CLASRP: variants seen among roughly 807,000 people sequenced by gnomAD.
The protein encoded by CLASRP is CLK4 associating serine/arginine rich protein.
In CLASRP, 52 loss-of-function variants were observed where a neutral mutation model predicts 99.9. The ratio of observed to expected loss-of-function variants is 0.52; its 90% confidence interval spans 0.42 to 0.66. The LOEUF (loss-of-function observed/expected upper bound fraction) is 0.66. CLASRP is among the 30% of genes least tolerant of loss of function. The probability of loss-of-function intolerance (pLI) is 0.00; values close to 1 mark genes in which losing one functional copy is unlikely to be tolerated. For synonymous variants in CLASRP, 379 were observed against 373.0 expected, an observed-to-expected ratio of 1.02 and a Z score of -0.18; for missense variants, 848 against 999.2, an observed-to-expected ratio of 0.85 and a Z score of 2.04.
intron 2 of CLASRP, among the ~76,000 whole-genome samples, chr19:45,046,593 C>T (rs1043656440): frequency 6.6e-6 from 1 of 152,188 alleles, no homozygotes; most frequent in Non-Finnish European, 1.5e-5. Flanking sequence ...CCCATGAGGG[C>T]AGGGCCAGGG....
chr19:45,059,137 T>C, intron 7 of CLASRP, 131 bp from the exon 8 acceptor site: 1 of 749,574 alleles, frequency 1.3e-6, no homozygotes, highest in Non-Finnish European at 2.3e-6. Flanking sequence ...GAGCCAGACT[T>C]GATGCCATCC....
Position 45,069,058 on chromosome 19 carries a change from C to T in CLASRP, c.1769-8C>T. 1 of 1,613,434 alleles carries T rather than the reference C, an allele frequency of 6.2e-7. No individual in the cohort carries two copies. The highest frequency in any genetic ancestry group is 8.5e-7 in the Non-Finnish European group (1 of 1,179,682). On this transcript the variant is annotated splice_region_variant and splice_polypyrimidine_tract_variant and intron_variant, in intron 16 of 20. Transcript: ENST00000221455. ...ACCCCTCAGCCACCCTGTTCTTTCT[C>T]TCTACAGTCAAGGCGGATAAGAAGG...
intron 2 of CLASRP, among the ~76,000 whole-genome samples, chr19:45,044,819 T>A (rs1270655034): frequency 1.3e-5 from 2 of 152,116 alleles, no homozygotes; most frequent in East Asian, 3.9e-4. Context: ...TGAGATCCCA[T>A]CATGGTTAGT....
rs748885420 is a variant in CLASRP, at chr19:45,064,066, G to C, written c.960G>C (p.Pro320=). ...ESRSRSRSPT[P]GREEKITFIT... ...GCTCCCGCTCCCGCTCCCCGACCCC[G>C]GGCCGCGAGGAGAAGATCACGTTCA... is the stretch of plus-strand genomic sequence containing the variant. The change falls in exon 12 of 21, where the codon CCG becomes CCC. Residue 320 remains proline (P), a synonymous_variant. Coordinates refer to ENST00000221455, the MANE Select transcript of CLASRP (RefSeq NM_007056.3). 6.2e-7 allele frequency: 1 copy of C among 1,607,726 alleles called. No individual in the cohort carries two copies. The highest frequency in any genetic ancestry group is 8.5e-7 in the Non-Finnish European group (1 of 1,177,766).
At chr19:45,063,209 G>A (rs2122590132) in intron 11 of CLASRP, among the ~76,000 whole-genome samples, 2 of 150,856 alleles carry the variant, frequency 1.3e-5, no homozygotes, top group Middle Eastern at 6.8e-3. Context: ...GGCTCACCAT[G>A]TTGACCAGGC....
Position 45,064,457 on chromosome 19 carries a change from C to T in CLASRP, c.1236C>T (p.Gly412=), listed in dbSNP as rs1249838743. Residue 412 remains glycine, a synonymous_variant, in exon 13 of 21, where the codon GGC becomes GGT. Coordinates refer to ENST00000221455, the MANE Select transcript of CLASRP (RefSeq NM_007056.3). ...SRRGGGYYRS[G]RHARSRSRSW... is the part of the protein sequence containing the mutation. The stretch of plus-strand genomic sequence containing the variant: ...GTGGTGGGGGCTACTACCGTTCCGG[C>T]CGCCACGCCCGCTCCCGGTCCCGCT... The T allele has an allele frequency of 5.9e-6, 9 of 1,529,456 alleles. No individual in the cohort carries two copies. Among genetic ancestry groups the T allele is most frequent in the Non-Finnish European group, 6.1e-6 (7 of 1,140,276 alleles). The allele number at this position is 1,529,456 out of a possible 1,614,324, so 94.7% of individuals were successfully genotyped here.
chr19:45,067,306 C>T lies in CLASRP; in HGVS notation c.1410-31C>T, dbSNP rs774013475. The T allele has an allele frequency of 3.4e-6, 5 of 1,470,898 alleles. No individual in the cohort carries two copies. The highest frequency in any genetic ancestry group is 1.4e-5 in the South Asian group (1 of 73,584). 91.1% of individuals were successfully genotyped at this position (1,470,898 alleles called of 1,614,324 possible). On this transcript the variant is annotated intron_variant, in intron 13 of 20. Coordinates refer to ENST00000221455, the MANE Select transcript of CLASRP (RefSeq NM_007056.3). This position sits in a 1 kb window ranked among gnomAD's most constrained non-coding sequence, Gnocchi z 4.9. ...TGCGGTTGGGGTCCCTGGAGCCTCACAGTCCTCCTCCCGCCCTGCTGCATC... is the reference window on the plus strand; with the variant it reads ...TGCGGTTGGGGTCCCTGGAGCCTCATAGTCCTCCTCCCGCCCTGCTGCATC...
chr19:45,070,743 C>T, intron 20 of CLASRP, 60 bp from the exon 21 acceptor site: 1 of 1,443,346 alleles, frequency 6.9e-7, no homozygotes. Flanking sequence ...GCATCCACGG[C>T]CCCAGGTGTG....
At chr19:45,051,380 C>G (rs1426313874) in intron 2 of CLASRP, among the ~76,000 whole-genome samples, 2 of 151,888 alleles carry the variant, frequency 1.3e-5, no homozygotes, top group Non-Finnish European at 2.9e-5. Flanking sequence ...GTGACACAAT[C>G]TCAGCTCACT....
chr19:45,068,189 G>T (rs1967137541), intron 15 of CLASRP, 135 bp downstream of exon 15: 2 of 763,500 alleles, frequency 2.6e-6, no homozygotes, highest in Non-Finnish European at 4.6e-6. Flanking sequence ...GAGGGGAAGG[G>T]TCTGCCCCTG....
chr19:45,064,254 TACG>T (rs1341222332), intron 12 of CLASRP, 27 bp downstream of exon 12: 3 of 1,552,460 alleles, frequency 1.9e-6, no homozygotes, highest in Admixed American at 3.9e-5. Flanking sequence ...CCGCCCGCCC[TACG>T]CCCCGGTCAC....
At chr19:45,042,829 C>T (rs1377372960) in intron 2 of CLASRP, among the ~76,000 whole-genome samples, 1 of 152,028 alleles carries the variant, frequency 6.6e-6, no homozygotes, top group Non-Finnish European at 1.5e-5. Flanking sequence ...GTTGGTCAGG[C>T]TAGTCTTGAA....
chr19:45,047,463 C>T (rs1047587188), intron 2 of CLASRP: 1 of 148,364 alleles, frequency 6.7e-6, no homozygotes, highest in Admixed American at 6.7e-5. Context: ...GAAGGGAGCT[C>T]ACTTCGGCAG....
chr19:45,069,457 G>A (rs1042794263), intron 18 of CLASRP, among the ~76,000 whole-genome samples: 13 of 151,952 alleles, frequency 8.6e-5, no homozygotes, highest in Admixed American at 5.9e-4. Flanking sequence ...TCCCGCCACC[G>A]CGACCTCCTC....
In CLASRP at chr19:45,067,795, G is replaced by T. The variant is rs1254679910; in HGVS notation, c.1667+201G>T. ...GAGGAGGACACACCAAATCCTGGAGGATCTGCACAATTAGAACCTTGTCCT... is the reference window on the plus strand; with the variant it reads ...GAGGAGGACACACCAAATCCTGGAGTATCTGCACAATTAGAACCTTGTCCT... On this transcript the variant is annotated intron_variant, in intron 14 of 20. Transcript: ENST00000221455. The surrounding 1 kb of genome is among the most constrained non-coding windows in gnomAD (Gnocchi z 4.9). Among the ~76,000 whole-genome samples, 2 of 152,182 alleles carry T rather than the reference G, an allele frequency of 1.3e-5. No individual in the cohort carries two copies. The highest frequency in any genetic ancestry group is 2.9e-5 in the Non-Finnish European group (2 of 68,024).
chr19:45,044,435 A>G (rs918523921), intron 2 of CLASRP, among the ~76,000 whole-genome samples: 4 of 152,232 alleles, frequency 2.6e-5, no homozygotes, highest in Non-Finnish European at 5.9e-5. Context: ...TACAGAGGAC[A>G]AAACTGGAGC....
At chr19:45,062,550 T>C (rs1966964581) in intron 11 of CLASRP, among the ~76,000 whole-genome samples, 1 of 152,176 alleles carries the variant, frequency 6.6e-6, no homozygotes, top group Admixed American at 6.5e-5. Context: ...GCTAATTTTT[T>C]GTATTTTTAG....
intron 5 of CLASRP, among the ~76,000 whole-genome samples, chr19:45,054,024 C>T (rs1972075877): frequency 6.6e-6 from 1 of 152,214 alleles, no homozygotes; most frequent in Non-Finnish European, 1.5e-5. Context: ...TATTTGCCAG[C>T]ATTTGACAAT....
In CLASRP at chr19:45,039,112, A is replaced by T; in HGVS notation, c.-30+4A>T. 6.6e-6 allele frequency: 1 copy of T among 152,126 alleles called. No homozygotes were observed. Among genetic ancestry groups the T allele is most frequent in the Non-Finnish European group, 1.5e-5 (1 of 68,014 alleles). 9.4% of individuals were successfully genotyped at this position (152,126 alleles called of 1,614,324 possible). ...GGTGGGAGGCGGCGACCAGCCGGTG[A>T]GTGCAGGCTGCGGCTCGACCTCCCG... On this transcript the variant is annotated splice_donor_region_variant and intron_variant, in intron 1 of 20. Coordinates refer to ENST00000221455, the MANE Select transcript of CLASRP (RefSeq NM_007056.3).
Sources: allele counts gnomAD v4.1 joint callset (sites outside exome capture counted in the v4.1 genomes callset), GRCh38; gene constraint gnomAD v4.1.1; non-coding constraint Gnocchi (gnomAD v3.1); transcripts MANE v1.5; gene names NCBI Gene and HGNC (gene_info 2026-07-23, HGNC 2026-07-21).